The following MRPL1 variants were observed in gnomAD, a reference collection of about 807,000 sequenced individuals.
MRPL1 encodes mitochondrial ribosomal protein L1, also known as large ribosomal subunit protein uL1m.
MRPL1 carries 28 observed loss-of-function variants against 38.0 expected under a neutral mutation model. The observed-to-expected ratio is 0.74, with a 90% CI of 0.55 to 1.01. The LOEUF (loss-of-function observed/expected upper bound fraction) is 1.01, where lower values mean the gene tolerates loss of function less well. Among genes scored for constraint, MRPL1 ranks in the 50% least tolerant of loss-of-function variants. The pLI, the probability that MRPL1 is intolerant of heterozygous loss-of-function variation, is 0.00. For synonymous variants in MRPL1, 123 were observed against 126.7 expected (o/e 0.97, Z 0.20); for missense variants, 358 against 389.8 (o/e 0.92, Z 0.69).
At chr4:77,944,136 T>C (rs1429061474) in intron 7 of MRPL1, among the ~76,000 whole-genome samples, 1 of 152,206 alleles carries the variant, frequency 6.6e-6, no homozygotes, top group Non-Finnish European at 1.5e-5. Flanking sequence ...AGAGCCAAAC[T>C]GTAGTGATTG....
chr4:77,867,827 G>C (rs530808760), intron 1 of MRPL1, among the ~76,000 whole-genome samples: 4 of 146,534 alleles, frequency 2.7e-5, no homozygotes, highest in African/African-American at 1.0e-4. Flanking sequence ...CACGATCTCG[G>C]CTCACTGCCA....
chr4:77,938,157 A>C (rs1371091880), intron 7 of MRPL1, among the ~76,000 whole-genome samples: 1 of 152,236 alleles, frequency 6.6e-6, no homozygotes, highest in Non-Finnish European at 1.5e-5. Flanking sequence ...TTTTGTTAGA[A>C]TATAACTGTG....
At chr4:77,920,151 C>T (rs928512611) in intron 7 of MRPL1, among the ~76,000 whole-genome samples, 1 of 152,118 alleles carries the variant, frequency 6.6e-6, no homozygotes, top group African/African-American at 2.4e-5. Context: ...GCTTTGCTAT[C>T]ATTGTAGCAA....
intron 3 of MRPL1, among the ~76,000 whole-genome samples, chr4:77,884,731 G>A (rs1254059595): frequency 6.6e-6 from 1 of 152,204 alleles, no homozygotes; most frequent in Non-Finnish European, 1.5e-5. Flanking sequence ...AATTGGGGGT[G>A]ACCTACTGGG....
intron 6 of MRPL1, 54 bp from the exon 7 acceptor site, chr4:77,909,212 A>G (rs1027095865): frequency 9.5e-7 from 1 of 1,050,302 alleles, no homozygotes; most frequent in Non-Finnish European, 1.5e-6. Context: ...TTTATTCAGT[A>G]ATTTTTACTA....
chr4:77,868,734 A>G (rs1735211077), intron 1 of MRPL1, among the ~76,000 whole-genome samples: 2 of 152,198 alleles, frequency 1.3e-5, no homozygotes, highest in African/African-American at 4.8e-5. Context: ...GGAAAATGTC[A>G]TAGATGGAAG....
intron 2 of MRPL1, among the ~76,000 whole-genome samples, chr4:77,878,499 G>A (rs1404908310): frequency 6.6e-6 from 1 of 152,038 alleles, no homozygotes; most frequent in Non-Finnish European, 1.5e-5. Context: ...GGATTCTTCA[G>A]CCTTGGAAAG....
intron 7 of MRPL1, among the ~76,000 whole-genome samples, chr4:77,919,623 A>G (rs1226118691): frequency 6.6e-6 from 1 of 152,176 alleles, no homozygotes; most frequent in African/African-American, 2.4e-5. Context: ...GCTATAAAAT[A>G]CGGTATATTA....
At chr4:77,865,169 C>G (rs1735099593) in intron 1 of MRPL1, among the ~76,000 whole-genome samples, 1 of 152,094 alleles carries the variant, frequency 6.6e-6, no homozygotes, top group Non-Finnish European at 1.5e-5. Context: ...GGATTACAGG[C>G]ATGAGCCACC....
At chr4:77,892,793 C>T (rs964635249) in intron 5 of MRPL1, among the ~76,000 whole-genome samples, 3 of 152,190 alleles carry the variant, frequency 2.0e-5, no homozygotes, top group African/African-American at 7.2e-5. Context: ...AGCTCTGCCT[C>T]TTAGGTGTGT....
At chr4:77,938,294 C>T (rs1006341431) in intron 7 of MRPL1, among the ~76,000 whole-genome samples, 2 of 152,204 alleles carry the variant, frequency 1.3e-5, no homozygotes, top group African/African-American at 4.8e-5. Flanking sequence ...AGAAAGTATG[C>T]CAACTCCTGT....
Position 77,909,190 on chromosome 4 carries a change from A to G in MRPL1, c.671-76A>G, listed in dbSNP as rs1320314395. On this transcript the variant is annotated intron_variant, in intron 6 of 8. Coordinates refer to ENST00000315567, the MANE Select transcript of MRPL1 (RefSeq NM_020236.4). ...TTTATTTGCTATATCTTTACATGAG[A>G]TATGTGTTTCTTTTATTCAGTAATT... 3 of 872,490 alleles carry G rather than the reference A, an allele frequency of 3.4e-6. No homozygotes were observed. The African/African-American group carries it at 5.1e-5, about 15-fold the overall frequency. 54.0% of individuals were successfully genotyped at this position (872,490 alleles called of 1,614,324 possible).
chr4:77,879,345 G>A (rs775846401), intron 2 of MRPL1, among the ~76,000 whole-genome samples: 6 of 152,052 alleles, frequency 3.9e-5, no homozygotes, highest in African/African-American at 9.7e-5. Context: ...GTATTATAAT[G>A]TTGTTATACT....
intron 8 of MRPL1, among the ~76,000 whole-genome samples, chr4:77,951,325 A>G (rs1419515382): frequency 1.3e-5 from 2 of 152,280 alleles, no homozygotes; most frequent in African/African-American, 4.8e-5. Flanking sequence ...AAATGTAAAT[A>G]TCACCACCTG....
chr4:77,918,654 ACTTT>A (rs1736483701), intron 7 of MRPL1, among the ~76,000 whole-genome samples: 2 of 152,078 alleles, frequency 1.3e-5, no homozygotes, highest in Admixed American at 1.3e-4. Context: ...ACCTGGCTAA[ACTTT>A]ATTAAAAGAA....
At chr4:77,910,585 CAAA>C (rs1190930959) in intron 7 of MRPL1, among the ~76,000 whole-genome samples, 1 of 152,118 alleles carries the variant, frequency 6.6e-6, no homozygotes, top group Admixed American at 6.6e-5. Context: ...GACCCTGTCT[CAAA>C]GAAAACAAAC....
intron 1 of MRPL1, among the ~76,000 whole-genome samples, chr4:77,867,845 C>A (rs1735184822): frequency 6.9e-6 from 1 of 145,744 alleles, no homozygotes; most frequent in Non-Finnish European, 1.5e-5. Context: ...CCAGCTCTGC[C>A]TTCCGGGTTC....
At chr4:77,940,540 T>C (rs1737097790) in intron 7 of MRPL1, among the ~76,000 whole-genome samples, 2 of 152,342 alleles carry the variant, frequency 1.3e-5, no homozygotes, top group African/African-American at 4.8e-5. Flanking sequence ...CTTTTCTTTC[T>C]CTTGTCTAAT....
intron 7 of MRPL1, among the ~76,000 whole-genome samples, chr4:77,911,079 A>G (rs868070295): frequency 2.0e-5 from 3 of 152,196 alleles, no homozygotes; most frequent in Non-Finnish European, 4.4e-5. Flanking sequence ...GAAGTTTCTT[A>G]ATGTTGTTGT....
Sources: allele counts gnomAD v4.1 joint callset (sites outside exome capture counted in the v4.1 genomes callset), GRCh38; gene constraint gnomAD v4.1.1; transcripts MANE v1.5; gene names NCBI Gene and HGNC (gene_info 2026-07-23, HGNC 2026-07-21).